The following SORCS2 variants were observed in gnomAD, a reference collection of about 807,000 sequenced individuals.
The protein encoded by SORCS2 is VPS10 domain-containing receptor SorCS2.
Under a neutral mutation model 141.6 loss-of-function variants are expected in SORCS2, and 100 were observed. That is an observed-to-expected ratio of 0.71 (90% confidence interval 0.60 to 0.83). SORCS2 has a LOEUF of 0.83. Among genes scored for constraint, SORCS2 ranks in the 40% least tolerant of loss-of-function variants. The probability of loss-of-function intolerance (pLI) is 0.00; values close to 1 mark genes in which losing one functional copy is unlikely to be tolerated. For missense variants in SORCS2, 1,646 were observed against 1,560.2 expected (o/e 1.05, Z -0.93); for synonymous variants, 789 against 676.9 (o/e 1.17, Z -2.57).
intron 1 of SORCS2, among the ~76,000 whole-genome samples, chr4:7,352,415 C>T (rs1720995570): frequency 6.6e-6 from 1 of 152,168 alleles, no homozygotes; most frequent in Non-Finnish European, 1.5e-5. Context: ...TGGCTTTGGG[C>T]AGTGCTGGGA....
chr4:7,452,807 T>C (rs1444991071), intron 2 of SORCS2, among the ~76,000 whole-genome samples: 2 of 152,076 alleles, frequency 1.3e-5, no homozygotes, highest in African/African-American at 4.8e-5. Flanking sequence ...TCAGGCGCCA[T>C]GTTGGGGTCA....
At chr4:7,641,995 G>A (rs1720782345) in intron 4 of SORCS2, among the ~76,000 whole-genome samples, 1 of 151,320 alleles carries the variant, frequency 6.6e-6, no homozygotes, top group Admixed American at 6.6e-5. Context: ...GGATGAATGG[G>A]TAGATGGATG....
At chr4:7,709,231 C>G (rs557951765) in intron 14 of SORCS2, among the ~76,000 whole-genome samples, 1 of 152,220 alleles carries the variant, frequency 6.6e-6, no homozygotes, top group Non-Finnish European at 1.5e-5. Flanking sequence ...GGCCCTTACT[C>G]CTCACACAGA....
At chr4:7,417,422 G>C (rs1318478841) in intron 2 of SORCS2, among the ~76,000 whole-genome samples, 1 of 152,188 alleles carries the variant, frequency 6.6e-6, no homozygotes, top group Admixed American at 6.5e-5. Flanking sequence ...ACAGGGAGCA[G>C]TTTTTATTAT....
intron 23 of SORCS2, among the ~76,000 whole-genome samples, chr4:7,732,365 G>A (rs946868096): frequency 2.7e-4 from 41 of 152,314 alleles, no homozygotes; most frequent in Admixed American, 2.3e-3. Context: ...TTGGACCTGG[G>A]AAGTAGTGAG....
intron 3 of SORCS2, among the ~76,000 whole-genome samples, chr4:7,557,856 C>A (rs1035833517): frequency 1.3e-5 from 2 of 152,200 alleles, no homozygotes; most frequent in Admixed American, 6.5e-5. Flanking sequence ...AGTAGCCCTG[C>A]ACCCACGTTC....
At chr4:7,706,528 T>TGGGCAGGGATGAGGCTGGGCTCC (rs1560499087) in intron 14 of SORCS2, among the ~76,000 whole-genome samples, 5 of 77,384 alleles carry the variant, frequency 6.5e-5, no homozygotes, top group Non-Finnish European at 1.1e-4. Context: ...GGCTGGGCTC[T>TGGGCAGGGATGAGGCTGGGCTCC]GTCTGGGCAG....
rs116185514 is a variant in SORCS2, at chr4:7,730,645, C to T, written c.3108+933C>T. Among the ~76,000 whole-genome samples the T allele has an allele frequency of 4.8e-3, 733 of 152,304 alleles. 15 individuals are homozygous for T. Among genetic ancestry groups the T allele is most frequent in the African/African-American group, 0.017 (700 of 41,556 alleles). On this transcript the variant is annotated intron_variant, in intron 23 of 26. Coordinates refer to ENST00000507866, the MANE Select transcript of SORCS2 (RefSeq NM_020777.3). ...GAAAGAGGCCAGTTGCAAAAGACCA[C>T]GTAGCGTACAATTCCATTCACATGA... is the stretch of plus-strand genomic sequence containing the variant.
chr4:7,435,903 C>T (rs1277268560), intron 2 of SORCS2, among the ~76,000 whole-genome samples: 1 of 152,234 alleles, frequency 6.6e-6, no homozygotes, highest in East Asian at 1.9e-4. Context: ...GCTCCCCTAG[C>T]CCCACATGTG....
chr4:7,545,916 T>A (rs1186868739), intron 3 of SORCS2, among the ~76,000 whole-genome samples: 1 of 152,190 alleles, frequency 6.6e-6, no homozygotes, highest in African/African-American at 2.4e-5. Flanking sequence ...ACATCAAGGT[T>A]CCAGCAAGGT....
intron 1 of SORCS2, among the ~76,000 whole-genome samples, chr4:7,200,283 A>C (rs1727419024): frequency 6.6e-6 from 1 of 152,078 alleles, no homozygotes; most frequent in Non-Finnish European, 1.5e-5. Context: ...GCTGTTCCAC[A>C]TGGCCTCTGG....
chr4:7,423,658 A>G (rs11729102), intron 2 of SORCS2, among the ~76,000 whole-genome samples: 97,460 of 151,948 alleles, frequency 0.64, 31,386 homozygotes, highest in Middle Eastern at 0.73. Flanking sequence ...TTTCGTGCCC[A>G]GGACCAGCCC....
At chr4:7,608,784 T>G (rs752256350) in intron 3 of SORCS2, among the ~76,000 whole-genome samples, 8 of 143,460 alleles carry the variant, frequency 5.6e-5, no homozygotes, top group Non-Finnish European at 1.1e-4. Context: ...GCACACCTTC[T>G]GTTGTCTGTG....
intron 3 of SORCS2, among the ~76,000 whole-genome samples, chr4:7,554,623 A>T (rs1452249337): frequency 1.3e-5 from 2 of 152,212 alleles, no homozygotes; most frequent in Non-Finnish European, 2.9e-5. Context: ...TAGAATGATG[A>T]AAAAGATGAC....
intron 2 of SORCS2, among the ~76,000 whole-genome samples, chr4:7,479,429 C>T (rs1730494874): frequency 6.6e-6 from 1 of 152,204 alleles, no homozygotes; most frequent in Non-Finnish European, 1.5e-5. Context: ...TTAGACAGGA[C>T]ATCCTAAGGC....
intron 19 of SORCS2, among the ~76,000 whole-genome samples, chr4:7,724,589 T>TGAG (rs879696705): frequency 0.063 from 4,705 of 74,400 alleles, 552 homozygotes; most frequent in Admixed American, 0.12. Flanking sequence ...ATGGTGGTGG[T>TGAG]GTTGGTGATG....
intron 22 of SORCS2, among the ~76,000 whole-genome samples, chr4:7,729,051 C>G (rs1169478479): frequency 6.6e-6 from 1 of 152,194 alleles, no homozygotes; most frequent in Non-Finnish European, 1.5e-5. Context: ...AAGGTTGAAT[C>G]AGGGTTTGCC....
At position 7,512,866 on chromosome 4, in the gene SORCS2, A is replaced by G. The variant is rs142700891; in HGVS notation, c.549-18664A>G. On this transcript the variant is annotated intron_variant, in intron 2 of 26. Coordinates refer to ENST00000507866, the MANE Select transcript of SORCS2 (RefSeq NM_020777.3). ...CCCTGCGGAGGGCAGCTTCCTTCCA[A>G]AGCCCAGGCTGCCCTGCGGGCCCTG... Among the ~76,000 whole-genome samples the G allele has an allele frequency of 4.0e-3, 603 of 152,182 alleles. 2 individuals are homozygous for G. The highest frequency in any genetic ancestry group is 0.01 in the Middle Eastern group (3 of 294).
At chr4:7,301,927 C>T (rs1358217002) in intron 1 of SORCS2, among the ~76,000 whole-genome samples, 1 of 152,216 alleles carries the variant, frequency 6.6e-6, no homozygotes, top group Non-Finnish European at 1.5e-5. Context: ...GCCTCTCCTT[C>T]CCTTCCAGCT....
Sources: gnomAD v4.1 joint callset for allele counts (sites outside exome capture counted in the v4.1 genomes callset) on GRCh38, gnomAD v4.1.1 for gene constraint, MANE v1.5 for transcripts, NCBI Gene and HGNC (gene_info 2026-07-23, HGNC 2026-07-21) for gene names.